Variants in PTP4A2 observed in about 807,000 individuals in gnomAD.
PTP4A2 encodes the protein protein tyrosine phosphatase type IVA 2.
PTP4A2 carries 2 observed loss-of-function variants against 22.9 expected under a neutral mutation model. The observed-to-expected ratio is 0.09, with a 90% CI of 0.04 to 0.27. The LOEUF is 0.27. PTP4A2 is among the 10% of genes least tolerant of loss of function. PTP4A2 has a pLI of 1.00. For missense variants in PTP4A2, 103 were observed against 205.1 expected (o/e 0.50, Z 3.04); for synonymous variants, 68 against 69.1 (o/e 0.98, Z 0.08).
rs1652035095 is a variant in PTP4A2, at chr1:31,919,630, A to T, written c.-565T>A. 1.3e-5 allele frequency: 2 copies of T among 152,730 alleles called. No homozygotes were observed. Among genetic ancestry groups the T allele is most frequent in the African/African-American group, 4.8e-5 (2 of 41,478 alleles). 9.5% of individuals were successfully genotyped at this position (152,730 alleles called of 1,614,324 possible). ...TGCCCTCACACTCAGAATCGCCATAAATGTGCAACGTATATTCCAACGAAA... is the reference window on the plus strand; with the variant it reads ...TGCCCTCACACTCAGAATCGCCATATATGTGCAACGTATATTCCAACGAAA... On this transcript the variant is annotated 5_prime_UTR_variant, in exon 2 of 6. Transcript: ENST00000647444.
intron 1 of PTP4A2, chr1:31,933,308 T>C (rs1652800670): frequency 6.6e-6 from 1 of 152,092 alleles, no homozygotes; most frequent in African/African-American, 2.4e-5. Context: ...TTTCACAGAT[T>C]AAGAGACTCA....
At chr1:31,922,238 C>T (rs1313295144) in intron 1 of PTP4A2, among the ~76,000 whole-genome samples, 7 of 152,238 alleles carry the variant, frequency 4.6e-5, no homozygotes, top group Admixed American at 4.6e-4. Context: ...TATCTCAGCA[C>T]TTTGGTAGGC....
chr1:31,915,858 C>G (rs1340943030), intron 3 of PTP4A2, 37 bp downstream of exon 3: 4 of 1,340,970 alleles, frequency 3.0e-6, no homozygotes, highest in Non-Finnish European at 4.2e-6. Context: ...TTGAAAGATA[C>G]AACTTGTTTT....
At chr1:31,936,576 T>C (rs1006361303) in intron 1 of PTP4A2, among the ~76,000 whole-genome samples, 1 of 152,144 alleles carries the variant, frequency 6.6e-6, no homozygotes, top group Non-Finnish European at 1.5e-5. Flanking sequence ...ATGTGTAAAA[T>C]CCCTATCAAG....
chr1:31,936,747 T>C (rs1470315942), intron 1 of PTP4A2, among the ~76,000 whole-genome samples: 4 of 152,200 alleles, frequency 2.6e-5, no homozygotes, highest in African/African-American at 9.7e-5. Flanking sequence ...TGGCAAGTGA[T>C]TCTGAAGCCC....
At chr1:31,910,219 C>T in intron 4 of PTP4A2, 107 bp from the exon 5 acceptor site, 1 of 762,032 alleles carries the variant, frequency 1.3e-6, no homozygotes, top group East Asian at 2.6e-5. Flanking sequence ...TTTCTTTTTC[C>T]TGTATACTAA....
chr1:31,923,901 A>C (rs1363336339), intron 1 of PTP4A2: 1 of 152,166 alleles, frequency 6.6e-6, no homozygotes, highest in Non-Finnish European at 1.5e-5. Context: ...TTGGATGTTC[A>C]TCTCCAACTC....
rs950252947 is a variant in PTP4A2, at chr1:31,907,566, T to C, written c.*1286A>G. 1 of 145,018 alleles carries C rather than the reference T, an allele frequency of 6.9e-6. No homozygotes were observed. The highest frequency in any genetic ancestry group is 2.5e-5 in the African/African-American group (1 of 39,892). 9.0% of individuals were successfully genotyped at this position (145,018 alleles called of 1,614,324 possible). On this transcript the variant is annotated 3_prime_UTR_variant, in exon 6 of 6. Transcript: ENST00000647444. ...ATCATTGTTGGTTTTAAACCAGGGA[T>C]TTTTTTTTTTTAATCTCAAAAAACC... is the stretch of plus-strand genomic sequence containing the variant.
intron 1 of PTP4A2, among the ~76,000 whole-genome samples, chr1:31,928,239 G>A (rs1187749243): frequency 1.4e-5 from 2 of 145,474 alleles, no homozygotes; most frequent in Non-Finnish European, 3.0e-5. Context: ...ATAATATATA[G>A]CATAATATAA....
At position 31,910,127 on chromosome 1, in the gene PTP4A2, C is replaced by T; in HGVS notation, c.321-15G>A. ...GCACAGGTGCCCTGCAGAAAGAAAC[C>T]TGTATGTAAGTATCCATAAGTCTTG... On this transcript the variant is annotated splice_polypyrimidine_tract_variant and intron_variant, in intron 4 of 5. Coordinates refer to ENST00000647444, the MANE Select transcript of PTP4A2 (RefSeq NM_080391.4). 1 of 1,602,222 alleles carries T rather than the reference C, an allele frequency of 6.2e-7. No homozygotes were observed. Among genetic ancestry groups the T allele is most frequent in the Non-Finnish European group, 8.5e-7 (1 of 1,170,222 alleles).
chr1:31,908,707 T>G lies in PTP4A2; in HGVS notation c.*145A>C. 2.0e-6 allele frequency: 1 copy of G among 494,160 alleles called. No homozygotes were observed. Among genetic ancestry groups the G allele is most frequent in the Non-Finnish European group, 3.6e-6 (1 of 275,596 alleles). The allele number at this position is 494,160 out of a possible 1,614,324, so 30.6% of individuals were successfully genotyped here. On this transcript the variant is annotated 3_prime_UTR_variant, in exon 6 of 6. Coordinates refer to ENST00000647444, the MANE Select transcript of PTP4A2 (RefSeq NM_080391.4). ...GAGAGATTTCTTTTTTGTTTGCTTT[T>G]GTTCCAATCATTAGGAGAGTGGTTG...
chr1:31,911,545 T>C, intron 4 of PTP4A2, 151 bp downstream of exon 4: 1 of 645,000 alleles, frequency 1.6e-6, no homozygotes, highest in Admixed American at 4.1e-5. Flanking sequence ...GAGAAATCAT[T>C]ACACTAGTTT....
chr1:31,933,229 G>C (rs902450398), intron 1 of PTP4A2: 3 of 152,218 alleles, frequency 2.0e-5, no homozygotes, highest in African/African-American at 4.8e-5. Context: ...CGAACTCCTG[G>C]CCTCAAGTGA....
intron 3 of PTP4A2, among the ~76,000 whole-genome samples, chr1:31,913,634 T>C (rs113388224): frequency 0.013 from 1,985 of 152,266 alleles, 43 homozygotes; most frequent in African/African-American, 0.044. Flanking sequence ...TGGTATCATA[T>C]TGTGCTTTTG....
At chr1:31,916,345 CAAAAAAAAAAAA>C (rs1167002913) in intron 2 of PTP4A2, among the ~76,000 whole-genome samples, 625 of 35,470 alleles carry the variant, frequency 0.018, 13 homozygotes, top group Middle Eastern at 0.05. Flanking sequence ...ACTCCGTCTC[CAAAAAAAAAAAA>C]AAAAAAAAAA....
intron 2 of PTP4A2, among the ~76,000 whole-genome samples, chr1:31,918,142 G>C (rs1162960166): frequency 1.3e-5 from 2 of 151,774 alleles, no homozygotes; most frequent in Non-Finnish European, 2.9e-5. Context: ...CCAGCTATCA[G>C]GGAGGCTGAG....
At position 31,919,027 on chromosome 1, in the gene PTP4A2, G is replaced by A; in HGVS notation, c.39C>T (p.Asn13=). ...RPAPVEISYE[N]MRFLITHNPT... is the part of the protein sequence containing the mutation. ...GGTTGTGAGTTATCAGAAAACGCATGTTCTCATAGGAGATCTCCACAGGGG... is the reference window on the plus strand; with the variant it reads ...GGTTGTGAGTTATCAGAAAACGCATATTCTCATAGGAGATCTCCACAGGGG... The change falls in exon 2 of 6, where the codon AAC becomes AAT. Residue 13 remains asparagine (N), a synonymous_variant. Transcript: ENST00000647444. 6.2e-7 allele frequency: 1 copy of A among 1,608,722 alleles called. No homozygotes were observed. The highest frequency in any genetic ancestry group is 8.5e-7 in the Non-Finnish European group (1 of 1,175,654).
At chr1:31,909,980 C>A in intron 5 of PTP4A2, 58 bp downstream of exon 5, 1 of 1,435,816 alleles carries the variant, frequency 7.0e-7, no homozygotes, top group South Asian at 1.2e-5. Flanking sequence ...TTCCATAATT[C>A]CTTCCTCATG....
In PTP4A2 at chr1:31,906,837, T is replaced by G. The variant is rs1343464396; in HGVS notation, c.*2015A>C. ...CAGAGTATGTCAAAGGAAAAAGGTT[T>G]GTTATTGTATTGATCAAAACCCAGT... On this transcript the variant is annotated 3_prime_UTR_variant, in exon 6 of 6. Coordinates refer to ENST00000647444, the MANE Select transcript of PTP4A2 (RefSeq NM_080391.4). The G allele has an allele frequency of 6.6e-6, 1 of 152,180 alleles. No homozygotes were observed. The highest frequency in any genetic ancestry group is 1.5e-5 in the Non-Finnish European group (1 of 68,134). 9.4% of individuals were successfully genotyped at this position (152,180 alleles called of 1,614,324 possible). A position where few individuals can be genotyped will look rare whatever the true frequency, so the allele number is the denominator to read the frequency against.
Sources: allele counts gnomAD v4.1 joint callset (sites outside exome capture counted in the v4.1 genomes callset), GRCh38; gene constraint gnomAD v4.1.1; transcripts MANE v1.5; gene names NCBI Gene and HGNC (gene_info 2026-07-23, HGNC 2026-07-21).